The following NUMA1 variants were observed in gnomAD, a reference collection of about 807,000 sequenced individuals.
The protein encoded by NUMA1 is SP-H antigen.
NUMA1 carries 62 observed loss-of-function variants against 237.1 expected under a neutral mutation model. The observed-to-expected ratio is 0.26, with a 90% CI of 0.21 to 0.32. The LOEUF (loss-of-function observed/expected upper bound fraction) is 0.32, where lower values mean the gene tolerates loss of function less well. Ranked by LOEUF, NUMA1 falls within the 10% of genes least tolerant of loss-of-function variation. NUMA1 has a pLI of 1.00. For missense variants in NUMA1, 2,533 were observed against 2,666.5 expected (o/e 0.95, Z 1.10); for synonymous variants, 1,028 against 1,066.1 (o/e 0.96, Z 0.70).
intron 2 of NUMA1, among the ~76,000 whole-genome samples, chr11:72,055,965 T>TACAC (rs58350314): frequency 1.0e-3 from 152 of 148,216 alleles, no homozygotes; most frequent in African/African-American, 3.4e-3. Context: ...AAAATACACA[T>TACAC]ACACACACAC....
At chr11:72,049,580 T>TATAAATAA (rs1270407038) in intron 2 of NUMA1, 1 of 19,630 alleles carries the variant, frequency 5.1e-5, no homozygotes, top group Non-Finnish European at 2.8e-4. Flanking sequence ...TATATATATA[T>TATAAATAA]ATAGTGTGTG....
chr11:72,026,644 T>G (rs1334264684), intron 4 of NUMA1, among the ~76,000 whole-genome samples: 1 of 151,320 alleles, frequency 6.6e-6, no homozygotes, highest in East Asian at 1.9e-4. Flanking sequence ...CACAGCTTAT[T>G]TTTTTTTTAA....
Position 72,011,438 on chromosome 11 carries a change from C to T in NUMA1, c.4651-584G>A, listed in dbSNP as rs3793940. Among the ~76,000 whole-genome samples, 533 of 152,314 alleles carry T rather than the reference C, an allele frequency of 3.5e-3. 6 individuals are homozygous for T. The highest frequency in any genetic ancestry group is 0.029 in the East Asian group (149 of 5,178). On this transcript the variant is annotated intron_variant, in intron 16 of 26. Coordinates refer to ENST00000393695, the MANE Select transcript of NUMA1 (RefSeq NM_006185.4). Reference sequence around the variant, plus strand: ...CATGTACTCCAAAGCCCACCCCACTCCTACAAAGAGGAAGAGCACAGGGAG... The same window carrying T: ...CATGTACTCCAAAGCCCACCCCACTTCTACAAAGAGGAAGAGCACAGGGAG...
rs373903675 is a variant in NUMA1 at position 72,023,116 on chromosome 11, G to A, written c.240C>T (p.Cys80=). 1.2e-6 allele frequency: 2 copies of A among 1,613,876 alleles called. No individual in the cohort carries two copies. The highest frequency in any genetic ancestry group is 1.7e-4 in the Middle Eastern group (1 of 6,060). The change falls in exon 6 of 27, where the codon TGC becomes TGT. Residue 80 remains cysteine, a synonymous_variant. Coordinates refer to ENST00000393695, the MANE Select transcript of NUMA1 (RefSeq NM_006185.4). ...CTAGCACCTTCTGTGCAGATACCAG[G>A]CATTCTGGGGAAGAGGGATGTTTTC... is the stretch of plus-strand genomic sequence containing the variant. ...KNRKHPSSPE[C]LVSAQKVLEG... is the part of the protein sequence containing the mutation.
chr11:72,038,368 C>T (rs1007645068), intron 2 of NUMA1, among the ~76,000 whole-genome samples: 2 of 152,108 alleles, frequency 1.3e-5, no homozygotes, highest in African/African-American at 2.4e-5. Flanking sequence ...TCTGTGTTCC[C>T]CAGGCACAGA....
chr11:72,026,317 C>T (rs556042203), intron 4 of NUMA1, among the ~76,000 whole-genome samples: 79 of 152,362 alleles, frequency 5.2e-4, no homozygotes, highest in African/African-American at 1.7e-3. Flanking sequence ...ACTCCAACTG[C>T]ACTAGCTGAA....
At chr11:72,005,665 C>T (rs908366492) in intron 22 of NUMA1, 11 of 501,124 alleles carry the variant, frequency 2.2e-5, no homozygotes, top group Admixed American at 8.0e-5. Flanking sequence ...AATTAAGGAC[C>T]GGGAATTAAT....
intron 2 of NUMA1, among the ~76,000 whole-genome samples, chr11:72,061,924 A>C (rs1012452446): frequency 6.6e-6 from 1 of 152,048 alleles, no homozygotes; most frequent in Non-Finnish European, 1.5e-5. Context: ...AAACACACAT[A>C]CACATCACAC....
intron 9 of NUMA1, 105 bp downstream of exon 9, chr11:72,019,389 T>A: frequency 6.9e-7 from 1 of 1,450,500 alleles, no homozygotes; most frequent in Admixed American, 1.9e-5. Context: ...CCGGATACTC[T>A]AAGCACTCCC....
intron 2 of NUMA1, among the ~76,000 whole-genome samples, chr11:72,036,876 A>C (rs1941077122): frequency 6.6e-6 from 1 of 152,142 alleles, no homozygotes; most frequent in Non-Finnish European, 1.5e-5. Flanking sequence ...AATTTTCACT[A>C]ATCTCCAGGG....
At chr11:72,079,231 C>A (rs1943887387) in intron 1 of NUMA1, among the ~76,000 whole-genome samples, 1 of 152,196 alleles carries the variant, frequency 6.6e-6, no homozygotes, top group African/African-American at 2.4e-5. Flanking sequence ...GGCAGACAAA[C>A]ACGCAGACTT....
In NUMA1 at chr11:72,041,388, C is replaced by T. The variant is rs60795063; in HGVS notation, c.-32-5413G>A. ...ACTGAACTCCAACAGCAGCAAGAGC[C>T]AAGGCAAACTGTGGCATAAACACAC... On this transcript the variant is annotated intron_variant, in intron 2 of 26. Transcript: ENST00000393695. The T allele has an allele frequency of 5.1e-3, 785 of 152,452 alleles. 13 individuals carry two copies. Among genetic ancestry groups the T allele is most frequent in the African/African-American group, 0.017 (714 of 41,556 alleles). 9.4% of individuals were successfully genotyped at this position (152,452 alleles called of 1,614,324 possible).
At chr11:72,058,480 G>A (rs1034534443) in intron 2 of NUMA1, among the ~76,000 whole-genome samples, 4 of 152,082 alleles carry the variant, frequency 2.6e-5, no homozygotes, top group East Asian at 1.9e-4. Context: ...TATCCATAAC[G>A]TGTTCACATA....
chr11:72,006,166 G>A lies in NUMA1; in HGVS notation c.5561C>T (p.Thr1854Ile). The A allele has an allele frequency of 1.2e-6, 2 of 1,614,218 alleles. No homozygotes were observed. The highest frequency in any genetic ancestry group is 1.7e-6 in the Non-Finnish European group (2 of 1,180,032). ...AGAACCCAGGCGAGCTAGAGACTGA[G>A]TAGAGGAGGTGGCTCGCAGGCTAGC... ...SQASLRATSS[T>I]QSLARLGSPD... Residue 1854 changes from threonine to isoleucine, a missense_variant, in exon 22 of 27, where the codon ACT becomes ATT. Thr to Ile is a moderately conservative substitution (Grantham distance 89, BLOSUM62 -1). This residue lies in a region of NUMA1 where 795 missense variants were observed against 750.8 expected (regional missense o/e 1.06). Transcript: ENST00000393695.
intron 4 of NUMA1, among the ~76,000 whole-genome samples, chr11:72,027,134 C>A (rs1184983448): frequency 6.6e-6 from 1 of 152,194 alleles, no homozygotes; most frequent in Non-Finnish European, 1.5e-5. Context: ...AAGGAAATTT[C>A]TCTCTTCAAA....
rs1206062153 is a variant in NUMA1 at position 72,049,558 on chromosome 11, A to ATTT, written c.-32-13584_-32-13583insAAA. 1.4e-3 allele frequency: 64 copies of ATTT among 44,934 alleles called. 1 individual carries two copies. The highest frequency in any genetic ancestry group is 4.8e-3 in the African/African-American group (43 of 8,892). 2.8% of individuals were successfully genotyped at this position (44,934 alleles called of 1,614,324 possible). The stretch of plus-strand genomic sequence containing the variant: ...AACCTGTCTAAAAAAAAAAATAATA[A>ATTT]TAATATATATATATATATATATATA... On this transcript the variant is annotated intron_variant, in intron 2 of 26. Transcript: ENST00000393695.
intron 1 of NUMA1, among the ~76,000 whole-genome samples, chr11:72,070,620 C>A (rs747722701): frequency 6.6e-6 from 1 of 152,140 alleles, no homozygotes; most frequent in Non-Finnish European, 1.5e-5. Context: ...CCAACCTGGG[C>A]AACATAGTAA....
Position 72,013,914 on chromosome 11 carries a change from T to C in NUMA1, c.3589A>G (p.Thr1197Ala). The change falls in exon 15 of 27, where the codon ACC becomes GCC. Residue 1197 changes from threonine to alanine, a missense_variant. Around this residue, in one of 3 missense-constraint regions of NUMA1, gnomAD observed 1,414 missense variants for 1,508.1 expected, o/e 0.94. Transcript: ENST00000393695. This position sits in a 1 kb window ranked among gnomAD's most constrained non-coding sequence, Gnocchi z 6.8. ...SAQRELAAFR[T>A]KVQDHSKAED... is the part of the protein sequence containing the mutation. ...GCCTTGCTGTGGTCTTGTACCTTGG[T>C]GCGGAAGGCAGCCAACTCCCGTTGG... 1 of 1,614,016 alleles carries C rather than the reference T, an allele frequency of 6.2e-7. No individual in the cohort carries two copies. Among genetic ancestry groups the C allele is most frequent in the Non-Finnish European group, 8.5e-7 (1 of 1,180,030 alleles).
At chr11:72,022,804 C>T (rs1310843436) in intron 6 of NUMA1, among the ~76,000 whole-genome samples, 1 of 151,994 alleles carries the variant, frequency 6.6e-6, no homozygotes, top group Non-Finnish European at 1.5e-5. Context: ...CAGGTCTCCA[C>T]CGAGGCCCAC....
Sources: gnomAD v4.1 joint callset for allele counts (sites outside exome capture counted in the v4.1 genomes callset) on GRCh38, gnomAD v4.1.1 for gene constraint, gnomAD v4.1.1 regional missense constraint, Gnocchi (gnomAD v3.1) non-coding constraint, MANE v1.5 for transcripts, NCBI Gene and HGNC (gene_info 2026-07-23, HGNC 2026-07-21) for gene names.